The following MCPH1 variants were observed in gnomAD, a reference collection of about 807,000 sequenced individuals.
MCPH1 encodes microcephalin.
In MCPH1, 104 loss-of-function variants were observed where a neutral mutation model predicts 84.5. That is an observed-to-expected ratio of 1.23 (90% CI 1.05 to 1.45). The LOEUF (loss-of-function observed/expected upper bound fraction) is 1.45, where lower values mean the gene tolerates loss of function less well. MCPH1 is among the 40% of genes most tolerant of loss of function. The probability of loss-of-function intolerance (pLI) is 0.00; values close to 1 mark genes in which losing one functional copy is unlikely to be tolerated. For missense variants in MCPH1, 1,498 were observed against 1,005.7 expected (o/e 1.49, Z -6.62); for synonymous variants, 514 against 366.8 (o/e 1.40, Z -4.58).
At chr8:6,521,326 C>G (rs773025622) in intron 12 of MCPH1, 21 of 1,613,680 alleles carry the variant, frequency 1.3e-5, no homozygotes, top group Admixed American at 1.0e-4. Flanking sequence ...ATACTAACAC[C>G]TGTAGCTGAT....
At chr8:6,614,893 T>G (rs895697269) in intron 12 of MCPH1, among the ~76,000 whole-genome samples, 1 of 146,002 alleles carries the variant, frequency 6.8e-6, no homozygotes, top group African/African-American at 2.5e-5. Context: ...TACCCCACCC[T>G]ACTCCATCCC....
intron 13 of MCPH1, among the ~76,000 whole-genome samples, chr8:6,635,720 C>CA (rs1458707799): frequency 6.6e-6 from 1 of 152,216 alleles, no homozygotes; most frequent in African/African-American, 2.4e-5. Context: ...AAAAGCCCCC[C>CA]AGCAGAATGC....
At chr8:6,454,394 A>C (rs1171324380) in intron 8 of MCPH1, among the ~76,000 whole-genome samples, 1 of 152,172 alleles carries the variant, frequency 6.6e-6, no homozygotes, top group Non-Finnish European at 1.5e-5. Flanking sequence ...TATACCATTG[A>C]GACCATGTTA....
At position 6,442,869 on chromosome 8, in the gene MCPH1, T is replaced by C. The variant is rs138235290; in HGVS notation, c.670+713T>C. 1.6e-3 allele frequency among the ~76,000 whole-genome samples: 246 copies of C among 152,294 alleles called. 1 individual carries two copies. The highest frequency in any genetic ancestry group is 0.014 in the Middle Eastern group (4 of 292). On this transcript the variant is annotated intron_variant, in intron 7 of 13. Coordinates refer to ENST00000344683, the MANE Select transcript of MCPH1 (RefSeq NM_024596.5). ...CAAAGCGCAAGATGGCATCAAGATA[T>C]TAGAAGTTTCAAACAAAGCCTCCTT...
intron 12 of MCPH1, among the ~76,000 whole-genome samples, chr8:6,591,233 C>G (rs1828428958): frequency 6.6e-6 from 1 of 152,244 alleles, no homozygotes; most frequent in Non-Finnish European, 1.5e-5. Flanking sequence ...TGACACCTTG[C>G]TCAGTACGAT....
At chr8:6,468,663 C>T (rs73661752) in intron 9 of MCPH1, among the ~76,000 whole-genome samples, 1,775 of 118,070 alleles carry the variant, frequency 0.015, 37 homozygotes, top group African/African-American at 0.058. Flanking sequence ...TTTTTTTTTG[C>T]TATGAAAATT....
In MCPH1 at chr8:6,446,861, T is replaced by G. The variant is rs1300172072; in HGVS notation, c.1825+1314T>G. On this transcript the variant is annotated intron_variant, in intron 8 of 13. Transcript: ENST00000344683. ...TGCTAGTCCTCGGAAGCAGGTGTGT[T>G]ATGTTCTAGAACACTGCCCCCCTGC... 4.1e-6 allele frequency: 4 copies of G among 985,052 alleles called. No individual in the cohort carries two copies. In the East Asian group the frequency reaches 3.4e-4, roughly 84 times the overall value. The allele number at this position is 985,052 out of a possible 1,614,324, so 61.0% of individuals were successfully genotyped here. A position where few individuals can be genotyped will look rare whatever the true frequency, so the allele number is the denominator to read the frequency against.
At chr8:6,619,072 G>A (rs1034174466) in intron 12 of MCPH1, 8 of 152,230 alleles carry the variant, frequency 5.3e-5, no homozygotes, top group African/African-American at 1.9e-4. Context: ...ATTGAGGCCA[G>A]CTGTGCCATG....
intron 9 of MCPH1, among the ~76,000 whole-genome samples, chr8:6,468,511 T>C (rs574732989): frequency 6.6e-6 from 1 of 152,350 alleles, no homozygotes; most frequent in Non-Finnish European, 1.5e-5. Context: ...TAGGTGCATG[T>C]GTAGACCCCA....
In MCPH1 at chr8:6,444,666, A is replaced by G. The variant is rs1419441801; in HGVS notation, c.944A>G (p.Gln315Arg). ...GCAGGTAAAGTAGTCACCCCTGACC[A>G]AAAGCAGGCTGCAGGTATGTCTCAG... ...NIAGKVVTPD[Q>R]KQAAGMSQET... The change falls in exon 8 of 14, where the codon CAA (glutamine) becomes CGA (arginine). Residue 315 changes from glutamine (Q) to arginine (R), a missense_variant. Transcript: ENST00000344683. 6.2e-7 allele frequency: 1 copy of G among 1,614,028 alleles called. No individual in the cohort carries two copies. Among genetic ancestry groups the G allele is most frequent in the Non-Finnish European group, 8.5e-7 (1 of 1,179,956 alleles).
intron 13 of MCPH1, chr8:6,626,823 C>T: frequency 6.1e-6 from 6 of 985,238 alleles, no homozygotes; most frequent in Non-Finnish European, 7.2e-6. Flanking sequence ...TCTGTGCACT[C>T]TTCCCTCCCT....
At chr8:6,612,254 A>G (rs1367368640) in intron 12 of MCPH1, among the ~76,000 whole-genome samples, 1 of 152,004 alleles carries the variant, frequency 6.6e-6, no homozygotes, top group Non-Finnish European at 1.5e-5. Context: ...CACTCTGCCT[A>G]ATTTGGTGAC....
At chr8:6,584,575 T>A (rs1300410726) in intron 12 of MCPH1, among the ~76,000 whole-genome samples, 3 of 152,186 alleles carry the variant, frequency 2.0e-5, no homozygotes, top group Non-Finnish European at 4.4e-5. Flanking sequence ...CTCTTTTAGA[T>A]CATTATAACC....
chr8:6,466,255 G>C (rs1003728433), intron 9 of MCPH1, among the ~76,000 whole-genome samples: 10 of 148,994 alleles, frequency 6.7e-5, no homozygotes, highest in African/African-American at 2.5e-4. Flanking sequence ...TCCTGCCTCA[G>C]CCTCCTGAGT....
intron 12 of MCPH1, among the ~76,000 whole-genome samples, chr8:6,583,800 A>C (rs1827757111): frequency 7.0e-6 from 1 of 143,434 alleles, no homozygotes; most frequent in African/African-American, 2.6e-5. Flanking sequence ...ATAGAGCCTC[A>C]TGGTCTCGGA....
At position 6,461,839 on chromosome 8, in the gene MCPH1, A is replaced by G. The variant is rs118054038; in HGVS notation, c.1935+6587A>G. 9.9e-3 allele frequency among the ~76,000 whole-genome samples: 1,511 copies of G among 152,352 alleles called. 11 individuals are homozygous for G. Among genetic ancestry groups the G allele is most frequent in the South Asian group, 0.017 (80 of 4,830 alleles). ...CACAGAACCCAAAGAAGCTATGTAT[A>G]GATACCAGCACTCTGGTAGAAATAC... is the stretch of plus-strand genomic sequence containing the variant. On this transcript the variant is annotated intron_variant, in intron 9 of 13. Coordinates refer to ENST00000344683, the MANE Select transcript of MCPH1 (RefSeq NM_024596.5).
At chr8:6,484,604 G>C (rs1353584959) in intron 11 of MCPH1, among the ~76,000 whole-genome samples, 1 of 152,198 alleles carries the variant, frequency 6.6e-6, no homozygotes, top group African/African-American at 2.4e-5. Context: ...TCATCAGCTG[G>C]ACCTGGAAAC....
intron 3 of MCPH1, 104 bp downstream of exon 3, chr8:6,414,987 C>G: frequency 2.6e-6 from 3 of 1,170,702 alleles, no homozygotes; most frequent in Non-Finnish European, 3.7e-6. Context: ...TGATTTTCAT[C>G]TTTTCTCTGC....
intron 12 of MCPH1, chr8:6,502,944 G>T: frequency 1.3e-6 from 1 of 795,568 alleles, no homozygotes; most frequent in Non-Finnish European, 2.0e-6. Flanking sequence ...AAGTGATAAA[G>T]TTTACAGGCT....
Sources: gnomAD v4.1 joint callset for allele counts (sites outside exome capture counted in the v4.1 genomes callset) on GRCh38, gnomAD v4.1.1 for gene constraint, MANE v1.5 for transcripts, NCBI Gene and HGNC (gene_info 2026-07-23, HGNC 2026-07-21) for gene names.